Variants in GABBR1 observed in about 807,000 individuals in gnomAD.
GABBR1 encodes GABA-B receptor, R1 subunit.
In GABBR1, 35 loss-of-function variants were observed where a neutral mutation model predicts 117.7. The ratio of observed to expected loss-of-function variants is 0.30; its 90% CI spans 0.23 to 0.39. The LOEUF (loss-of-function observed/expected upper bound fraction) is 0.39, where lower values mean the gene tolerates loss of function less well. GABBR1 is among the 10% of genes least tolerant of loss of function. GABBR1 has a pLI of 1.00. For synonymous variants in GABBR1, 442 were observed against 486.6 expected (o/e 0.91, Z 1.21); for missense variants, 709 against 1,241.8 (o/e 0.57, Z 6.45).
rs1762493124 is a variant in GABBR1, at chr6:29,611,085, C to T, written c.1631-84G>A. 3.8e-6 allele frequency: 4 copies of T among 1,066,348 alleles called. No homozygotes were observed. The highest frequency in any genetic ancestry group is 1.6e-5 in the African/African-American group (1 of 64,078). The allele number at this position is 1,066,348 out of a possible 1,614,324, so 66.1% of individuals were successfully genotyped here. A position where few individuals can be genotyped will look rare whatever the true frequency, so the allele number is the denominator to read the frequency against. ...TTTTCAACTTCCCACTTCCCTAGAG[C>T]TTTGCATGGTTGTATCTGATTTTAT... On this transcript the variant is annotated intron_variant, in intron 13 of 22. Coordinates refer to ENST00000377034, the MANE Select transcript of GABBR1 (RefSeq NM_001470.4). This position sits in a 1 kb window ranked among gnomAD's most constrained non-coding sequence, Gnocchi z 4.6.
At chr6:29,628,889 AC>A (rs1366701436) in intron 5 of GABBR1, among the ~76,000 whole-genome samples, 197 bp downstream of exon 5, 27 of 150,734 alleles carry the variant, frequency 1.8e-4, no homozygotes, top group African/African-American at 6.6e-4. Flanking sequence ...ACAAGGAGAG[AC>A]CGCAGCCTCG....
chr6:29,608,816 A>G lies in GABBR1; in HGVS notation c.1860-83T>C, dbSNP rs558331306. 2.5e-5 allele frequency: 37 copies of G among 1,456,690 alleles called. No individual in the cohort carries two copies. In the Admixed American group the frequency reaches 6.2e-4, roughly 24 times the overall value. 90.2% of individuals were successfully genotyped at this position (1,456,690 alleles called of 1,614,324 possible). A position where few individuals can be genotyped will look rare whatever the true frequency, so the allele number is the denominator to read the frequency against. ...GGCTGAGCTCTCCAAATACCACGCA[A>G]TGGCATGACCCTAATTTCAGGGCCA... On this transcript the variant is annotated intron_variant, in intron 15 of 22. Transcript: ENST00000377034.
chr6:29,604,367 T>G lies in GABBR1; in HGVS notation c.2712+127A>C, dbSNP rs1169959995. On this transcript the variant is annotated intron_variant, in intron 22 of 22. Transcript: ENST00000377034. The surrounding 1 kb of genome is among the most constrained non-coding windows in gnomAD (Gnocchi z 5.3). ...CATTCACTCCTTACAGGTTGTCTCC[T>G]AGGACCCTCCCTCCATGAGCCAAGA... is the stretch of plus-strand genomic sequence containing the variant. 4.2e-6 allele frequency: 5 copies of G among 1,184,116 alleles called. No individual in the cohort carries two copies. Among genetic ancestry groups the G allele is most frequent in the African/African-American group, 1.5e-5 (1 of 66,996 alleles). 73.4% of individuals were successfully genotyped at this position (1,184,116 alleles called of 1,614,324 possible).
rs1763761641 is a variant in GABBR1 at position 29,621,685 on chromosome 6, G to C, written c.1131+67C>G. 7.4e-7 allele frequency: 1 copy of C among 1,346,070 alleles called. No individual in the cohort carries two copies. The highest frequency in any genetic ancestry group is 2.3e-5 in the East Asian group (1 of 43,602). The allele number at this position is 1,346,070 out of a possible 1,614,324, so 83.4% of individuals were successfully genotyped here. On this transcript the variant is annotated intron_variant, in intron 10 of 22. Coordinates refer to ENST00000377034, the MANE Select transcript of GABBR1 (RefSeq NM_001470.4). This position sits in a 1 kb window ranked among gnomAD's most constrained non-coding sequence, Gnocchi z 5.0. ...TCAACTCAGGCACAGATGCCAAGAG[G>C]AGGCCCCACAAGAAAACCAAGGGAA...
intron 14 of GABBR1, among the ~76,000 whole-genome samples, chr6:29,610,600 C>A (rs2127403920): frequency 6.6e-6 from 1 of 152,150 alleles, no homozygotes; most frequent in South Asian, 2.1e-4. Context: ...TCAAATATAT[C>A]AAGACACCAG....
In GABBR1 at chr6:29,606,537, C is replaced by T; in HGVS notation, c.2218-53G>A. ...GATGGTTGCCAGCCTCCCCTCCTCTCCTCAACGCTTCTCAGTCTCTGGCTT... is the reference window on the plus strand; with the variant it reads ...GATGGTTGCCAGCCTCCCCTCCTCTTCTCAACGCTTCTCAGTCTCTGGCTT... On this transcript the variant is annotated intron_variant, in intron 18 of 22. Transcript: ENST00000377034. The surrounding 1 kb of genome is among the most constrained non-coding windows in gnomAD (Gnocchi z 4.5). The T allele has an allele frequency of 8.4e-7, 1 of 1,195,864 alleles. No homozygotes were observed. The highest frequency in any genetic ancestry group is 1.3e-6 in the Non-Finnish European group (1 of 798,858). 74.1% of individuals were successfully genotyped at this position (1,195,864 alleles called of 1,614,324 possible). A position where few individuals can be genotyped will look rare whatever the true frequency, so the allele number is the denominator to read the frequency against.
Position 29,611,559 on chromosome 6 carries a change from C to T in GABBR1, c.1631-558G>A, listed in dbSNP as rs1762536310. Among the ~76,000 whole-genome samples, 1 of 152,208 alleles carries T rather than the reference C, an allele frequency of 6.6e-6. No individual in the cohort carries two copies. Among genetic ancestry groups the T allele is most frequent in the Non-Finnish European group, 1.5e-5 (1 of 68,042 alleles). Reference sequence around the variant, plus strand: ...CCATAACTTTTCCTTCAAAAGCCAACTCACACTCCTTTCACCATGGCTGAA... The same window carrying T: ...CCATAACTTTTCCTTCAAAAGCCAATTCACACTCCTTTCACCATGGCTGAA... On this transcript the variant is annotated intron_variant, in intron 13 of 22. Coordinates refer to ENST00000377034, the MANE Select transcript of GABBR1 (RefSeq NM_001470.4). This position sits in a 1 kb window ranked among gnomAD's most constrained non-coding sequence, Gnocchi z 4.6.
intron 5 of GABBR1, 21 bp downstream of exon 5, chr6:29,629,066 G>C: frequency 6.2e-7 from 1 of 1,612,790 alleles, no homozygotes; most frequent in Non-Finnish European, 8.5e-7. Flanking sequence ...CAGTGCGCGC[G>C]GTAAGGGTTT....
At position 29,604,752 on chromosome 6, in the gene GABBR1, A is replaced by G; in HGVS notation, c.2568+108T>C. The G allele has an allele frequency of 6.3e-7, 1 of 1,584,602 alleles. No homozygotes were observed. Among genetic ancestry groups the G allele is most frequent in the Non-Finnish European group, 8.6e-7 (1 of 1,160,114 alleles). ...TAAGAGTTGGGCCCAAAACAAGGGG[A>G]GGAGTGAGAGGAGGGTGAACGGAAG... On this transcript the variant is annotated intron_variant, in intron 21 of 22. Transcript: ENST00000377034. This position sits in a 1 kb window ranked among gnomAD's most constrained non-coding sequence, Gnocchi z 5.3.
rs781649777 is a variant in GABBR1 at position 29,630,215 on chromosome 6, G to A, written c.475+243C>T. ...AGAGAAAACGTGAGGTCTAAGAATCGGGAGCAGGAAGATTTTTTTAAAAGG... is the reference window on the plus strand; with the variant it reads ...AGAGAAAACGTGAGGTCTAAGAATCAGGAGCAGGAAGATTTTTTTAAAAGG... On this transcript the variant is annotated intron_variant, in intron 4 of 22. Transcript: ENST00000377034. The surrounding 1 kb of genome is among the most constrained non-coding windows in gnomAD (Gnocchi z 4.9). 1.8e-4 allele frequency: 79 copies of A among 439,756 alleles called. No homozygotes were observed. The highest frequency in any genetic ancestry group is 2.9e-4 in the Non-Finnish European group (71 of 246,826). 27.2% of individuals were successfully genotyped at this position (439,756 alleles called of 1,614,324 possible). A position where few individuals can be genotyped will look rare whatever the true frequency, so the allele number is the denominator to read the frequency against.
chr6:29,606,132 C>T lies in GABBR1; in HGVS notation c.2311+259G>A, dbSNP rs1582950291. ...ATGTCAAGTCTGGAGGTGGGGTTAC[C>T]CCCACTTGTTCCTCTGCTGAACACA... is the stretch of plus-strand genomic sequence containing the variant. On this transcript the variant is annotated intron_variant, in intron 19 of 22. Coordinates refer to ENST00000377034, the MANE Select transcript of GABBR1 (RefSeq NM_001470.4). This position sits in a 1 kb window ranked among gnomAD's most constrained non-coding sequence, Gnocchi z 4.5. The T allele has an allele frequency of 1.3e-5, 7 of 557,534 alleles. No individual in the cohort carries two copies. The South Asian group carries it at 1.3e-4, about 10-fold the overall frequency. 34.5% of individuals were successfully genotyped at this position (557,534 alleles called of 1,614,324 possible).
At chr6:29,626,328 G>C (rs1464463369) in intron 6 of GABBR1, among the ~76,000 whole-genome samples, 1 of 151,994 alleles carries the variant, frequency 6.6e-6, no homozygotes, top group Non-Finnish European at 1.5e-5. Context: ...ATCACCCCAA[G>C]GTTGATATTT....
chr6:29,617,301 C>A, intron 11 of GABBR1, among the ~76,000 whole-genome samples: 1 of 119,876 alleles, frequency 8.3e-6, no homozygotes, highest in African/African-American at 3.1e-5. Context: ...TTCTTTCTTT[C>A]TTTTTTTTTT....
rs755355437 is a variant in GABBR1, at chr6:29,603,588, G to A, written c.2841C>T (p.Asp947=). The change falls in exon 23 of 23, where the codon GAC becomes GAT. Residue 947 remains aspartate (D), a synonymous_variant. Transcript: ENST00000377034. ...CTCGACTCCCATCACAGCTAAGCCG[G>A]TCGGGGGGCTCAGGGGGTCCCCTGG... ...GLPRGPPEPP[D]RLSCDGSRVH... 74 of 1,592,012 alleles carry A rather than the reference G, an allele frequency of 4.6e-5. 4 individuals are homozygous for A. In the South Asian group the frequency reaches 6.8e-4, roughly 15 times the overall value.
At position 29,627,670 on chromosome 6, in the gene GABBR1, C is replaced by T; in HGVS notation, c.497-24G>A. 6.5e-7 allele frequency: 1 copy of T among 1,537,506 alleles called. No individual in the cohort carries two copies. The highest frequency in any genetic ancestry group is 8.7e-7 in the Non-Finnish European group (1 of 1,146,872). ...TTCTGAGGAGGGGTGCGGGGGGACC[C>T]GCGAGTGAGGCCGCGGGAGATGGGG... On this transcript the variant is annotated intron_variant, in intron 5 of 22. Coordinates refer to ENST00000377034, the MANE Select transcript of GABBR1 (RefSeq NM_001470.4). This position sits in a 1 kb window ranked among gnomAD's most constrained non-coding sequence, Gnocchi z 4.4.
chr6:29,606,073 A>G lies in GABBR1; in HGVS notation c.2311+318T>C, dbSNP rs894740643. 1.9e-6 allele frequency: 1 copy of G among 529,264 alleles called. No individual in the cohort carries two copies. 32.8% of individuals were successfully genotyped at this position (529,264 alleles called of 1,614,324 possible). A position where few individuals can be genotyped will look rare whatever the true frequency, so the allele number is the denominator to read the frequency against. ...TGCAATTTGTGACCATGAATCGAAC[A>G]ATGCTAATAAGGCCAAGGGGGATCT... On this transcript the variant is annotated intron_variant, in intron 19 of 22. Transcript: ENST00000377034. The surrounding 1 kb of genome is among the most constrained non-coding windows in gnomAD (Gnocchi z 4.5).
At chr6:29,608,908 G>A (rs1267003534) in intron 15 of GABBR1, among the ~76,000 whole-genome samples, 175 bp from the exon 16 acceptor site, 1 of 152,214 alleles carries the variant, frequency 6.6e-6, no homozygotes, top group Non-Finnish European at 1.5e-5. Flanking sequence ...TGCAGTCATG[G>A]GGCTGAAGAT....
intron 11 of GABBR1, among the ~76,000 whole-genome samples, chr6:29,616,629 G>A (rs564389929): frequency 1.3e-5 from 2 of 150,766 alleles, no homozygotes; most frequent in Non-Finnish European, 3.0e-5. Flanking sequence ...AGGTTGCAGT[G>A]AGCCGAGATC....
At position 29,631,436 on chromosome 6, in the gene GABBR1, G is replaced by A; in HGVS notation, c.249C>T (p.Ala83=). ...TGTCCATATCTGTCCAGGAGCCGTT[G>A]GCCAGGCACTTGCGGACCTTGGGCC... ...VVGPKVRKCL[A]NGSWTDMDTP... The change falls in exon 3 of 23, where the codon GCC becomes GCT. Residue 83 remains alanine (A), a synonymous_variant. Transcript: ENST00000377034. This position sits in a 1 kb window ranked among gnomAD's most constrained non-coding sequence, Gnocchi z 5.9. The A allele has an allele frequency of 1.9e-6, 3 of 1,614,128 alleles. No homozygotes were observed. Among genetic ancestry groups the A allele is most frequent in the Non-Finnish European group, 2.5e-6 (3 of 1,180,044 alleles).
Sources: gnomAD v4.1 joint callset for allele counts (sites outside exome capture counted in the v4.1 genomes callset) on GRCh38, gnomAD v4.1.1 for gene constraint, Gnocchi (gnomAD v3.1) non-coding constraint, MANE v1.5 for transcripts, NCBI Gene and HGNC (gene_info 2026-07-23, HGNC 2026-07-21) for gene names.